PCP4: variants seen among roughly 807,000 people sequenced by gnomAD.
PCP4 encodes calmodulin regulator protein PCP4.
PCP4 carries 8 observed loss-of-function variants against 10.0 expected under a neutral mutation model. That is an observed-to-expected ratio of 0.80 (90% CI 0.47 to 1.45). The LOEUF (loss-of-function observed/expected upper bound fraction) is 1.45, where lower values mean the gene tolerates loss of function less well. PCP4 is among the 40% of genes most tolerant of loss of function. The probability of loss-of-function intolerance (pLI) is 0.00; values close to 1 mark genes in which losing one functional copy is unlikely to be tolerated. For missense variants in PCP4, 54 were observed against 74.4 expected, an observed-to-expected ratio of 0.73 and a Z score of 1.01; for synonymous variants, 21 against 23.0, an observed-to-expected ratio of 0.91 and a Z score of 0.24.
intron 2 of PCP4, among the ~76,000 whole-genome samples, chr21:39,898,774 T>C (rs2087469412): frequency 6.6e-6 from 1 of 152,222 alleles, no homozygotes; most frequent in South Asian, 2.1e-4. Context: ...GGCAACATGG[T>C]AATTACAATG....
At chr21:39,875,505 C>G (rs1407365226) in intron 1 of PCP4, among the ~76,000 whole-genome samples, 1 of 152,178 alleles carries the variant, frequency 6.6e-6, no homozygotes, top group Non-Finnish European at 1.5e-5. Flanking sequence ...TAGCAACAAG[C>G]AAAACTTCAA....
intron 2 of PCP4, among the ~76,000 whole-genome samples, chr21:39,907,169 G>A (rs544009842): frequency 6.6e-6 from 1 of 152,066 alleles, no homozygotes; most frequent in African/African-American, 2.4e-5. Flanking sequence ...GGCAGAGTGG[G>A]CTGAATTGTC....
At chr21:39,880,479 A>G (rs1034129) in intron 1 of PCP4, among the ~76,000 whole-genome samples, 102,742 of 152,086 alleles carry the variant, frequency 0.68, 36,463 homozygotes, top group African/African-American at 0.9. Context: ...GTGTGTGTGC[A>G]TGCGTGTGAG....
At chr21:39,919,581 A>G (rs139137722) in intron 2 of PCP4, among the ~76,000 whole-genome samples, 28 of 152,332 alleles carry the variant, frequency 1.8e-4, no homozygotes, top group Middle Eastern at 6.8e-3. Context: ...CATTTCTATC[A>G]AATCAATCTT....
chr21:39,914,541 A>T (rs946305608), intron 2 of PCP4, among the ~76,000 whole-genome samples: 18 of 141,198 alleles, frequency 1.3e-4, no homozygotes, highest in Admixed American at 7.7e-5. Flanking sequence ...AGATCATGCC[A>T]CTGCACTCCA....
chr21:39,893,047 A>T (rs959091611), intron 1 of PCP4, among the ~76,000 whole-genome samples: 2 of 152,106 alleles, frequency 1.3e-5, no homozygotes, highest in Non-Finnish European at 2.9e-5. Flanking sequence ...GGCTGGGAGG[A>T]TCAGCATTTG....
At chr21:39,887,447 G>A (rs780674013) in intron 1 of PCP4, among the ~76,000 whole-genome samples, 12 of 151,438 alleles carry the variant, frequency 7.9e-5, no homozygotes, top group Non-Finnish European at 1.6e-4. Context: ...TCAATTTTTG[G>A]AATGTTATTA....
chr21:39,907,535 T>A (rs1384538157), intron 2 of PCP4, among the ~76,000 whole-genome samples: 1 of 152,076 alleles, frequency 6.6e-6, no homozygotes. Context: ...AGTCCCTGCG[T>A]GGTGGCTCCC....
rs547943204 is a variant in PCP4, at chr21:39,893,500, T to C, written c.10-4976T>C. Among the ~76,000 whole-genome samples the C allele has an allele frequency of 6.6e-5, 10 of 152,340 alleles. 1 individual carries two copies. In the South Asian group the frequency reaches 2.1e-3, roughly 32 times the overall value. The stretch of plus-strand genomic sequence containing the variant: ...GGAAACCTCGCTTTCTGAAGCTGTG[T>C]GAATTGCTTGGCACGTGTTTAAGAA... On this transcript the variant is annotated intron_variant, in intron 1 of 2. Transcript: ENST00000328619.
chr21:39,912,639 TG>T (rs1459783248), intron 2 of PCP4, among the ~76,000 whole-genome samples: 1 of 152,192 alleles, frequency 6.6e-6, no homozygotes, highest in Admixed American at 6.5e-5. Context: ...TTCACAACCC[TG>T]GGAAGAACTT....
chr21:39,922,338 T>C (rs1322107176), intron 2 of PCP4, among the ~76,000 whole-genome samples: 1 of 152,206 alleles, frequency 6.6e-6, no homozygotes, highest in Non-Finnish European at 1.5e-5. Flanking sequence ...CCATTCCATC[T>C]TTAAGAAGGG....
chr21:39,898,674 T>C lies in PCP4; in HGVS notation c.61+147T>C, dbSNP rs145694032. 3,483 of 637,850 alleles carry C rather than the reference T, an allele frequency of 5.5e-3. 14 individuals are homozygous for C. The highest frequency in any genetic ancestry group is 7.9e-3 in the Middle Eastern group (24 of 3,020). 39.5% of individuals were successfully genotyped at this position (637,850 alleles called of 1,614,324 possible). ...TACAGAGGATTTTAGCAATTCACAG[T>C]GAGCACTGAGGTCTGGTTTTATGAA... On this transcript the variant is annotated intron_variant, in intron 2 of 2. Transcript: ENST00000328619.
At chr21:39,897,899 A>G (rs1192594575) in intron 1 of PCP4, among the ~76,000 whole-genome samples, 6 of 151,994 alleles carry the variant, frequency 3.9e-5, no homozygotes, top group African/African-American at 1.2e-4. Flanking sequence ...ACAAAAAATT[A>G]GCCGTACGTG....
chr21:39,923,938 G>A (rs1462121908), intron 2 of PCP4, among the ~76,000 whole-genome samples: 1 of 152,218 alleles, frequency 6.6e-6, no homozygotes, highest in Non-Finnish European at 1.5e-5. Flanking sequence ...GTTGTGGACT[G>A]TATCGGTCGG....
At chr21:39,928,956 C>T (rs1021170360) in intron 2 of PCP4, 28 bp from the exon 3 acceptor site, 37 of 1,603,236 alleles carry the variant, frequency 2.3e-5, no homozygotes, top group Non-Finnish European at 3.1e-5. Flanking sequence ...TCAGTGATTG[C>T]CTTCTGTTTG....
intron 1 of PCP4, among the ~76,000 whole-genome samples, chr21:39,897,775 G>A (rs573366649): frequency 1.4e-4 from 21 of 152,130 alleles, no homozygotes; most frequent in Non-Finnish European, 2.8e-4. Context: ...GGCCGGGCGC[G>A]GTGGCTCACG....
chr21:39,898,626 C>CTAT, intron 2 of PCP4, 99 bp downstream of exon 2: 2 of 869,478 alleles, frequency 2.3e-6, no homozygotes, highest in Non-Finnish European at 3.8e-6. Flanking sequence ...AAACAGCTTA[C>CTAT]TATATGTGTC....
At chr21:39,926,268 G>A (rs1183423599) in intron 2 of PCP4, 13 of 272,690 alleles carry the variant, frequency 4.8e-5, no homozygotes, top group South Asian at 1.9e-4. Flanking sequence ...TGAGATATCA[G>A]TTTAAGATAT....
chr21:39,867,611 G>A, intron 1 of PCP4, 101 bp downstream of exon 1: 1 of 1,075,474 alleles, frequency 9.3e-7, no homozygotes. Context: ...CAGTGCTGAG[G>A]AACAAATTAA....
Sources: gnomAD v4.1 joint callset for allele counts (sites outside exome capture counted in the v4.1 genomes callset) on GRCh38, gnomAD v4.1.1 for gene constraint, MANE v1.5 for transcripts, NCBI Gene and HGNC (gene_info 2026-07-23, HGNC 2026-07-21) for gene names.